XPNPEP3: variants seen among roughly 807,000 people sequenced by gnomAD.
The protein encoded by XPNPEP3 is X-prolyl aminopeptidase 3.
XPNPEP3 carries 41 observed loss-of-function variants against 60.0 expected under a neutral mutation model. The observed-to-expected ratio is 0.68, with a 90% CI of 0.53 to 0.89. XPNPEP3 has a LOEUF of 0.89. Among genes scored for constraint, XPNPEP3 ranks in the 40% least tolerant of loss-of-function variants. The pLI is 0.00. For synonymous variants in XPNPEP3, 212 were observed against 223.2 expected (o/e 0.95, Z 0.45); for missense variants, 598 against 638.9 (o/e 0.94, Z 0.69).
chr22:40,858,921 C>T (rs936672639), intron 1 of XPNPEP3, among the ~76,000 whole-genome samples: 4 of 152,138 alleles, frequency 2.6e-5, no homozygotes, highest in Admixed American at 2.0e-4. Flanking sequence ...GGGAATGCTG[C>T]CTTTCATAAT....
intron 2 of XPNPEP3, chr22:40,870,216 A>AT (rs1292663551): frequency 6.7e-6 from 2 of 299,182 alleles, no homozygotes; most frequent in South Asian, 5.1e-5. Flanking sequence ...GACTCGAGTT[A>AT]TTTTTTTAAG....
In XPNPEP3 at chr22:40,857,254, C is replaced by A. The variant is rs748135153; in HGVS notation, c.64+9C>A. 13 of 1,614,100 alleles carry A rather than the reference C, an allele frequency of 8.1e-6. No individual in the cohort carries two copies. The Admixed American group carries it at 2.0e-4, about 25-fold the overall frequency. ...CGTCCGCGGCCTCTCAGGTTAGACT[C>A]TTCTCCCACGGTCTCCTCCCATGGT... On this transcript the variant is annotated intron_variant, in intron 1 of 9. Coordinates refer to ENST00000357137, the MANE Select transcript of XPNPEP3 (RefSeq NM_022098.4).
At chr22:40,863,991 C>T (rs2057965077) in intron 1 of XPNPEP3, among the ~76,000 whole-genome samples, 1 of 152,110 alleles carries the variant, frequency 6.6e-6, no homozygotes, top group Non-Finnish European at 1.5e-5. Context: ...CCAATCCAGA[C>T]CCCAAGAGAT....
chr22:40,880,057 C>A (rs2058041724), intron 2 of XPNPEP3, among the ~76,000 whole-genome samples: 1 of 147,692 alleles, frequency 6.8e-6, no homozygotes, highest in Non-Finnish European at 1.5e-5. Context: ...AAAATTAGAT[C>A]TAAGGTAATC....
At chr22:40,900,341 A>G (rs1420570564) in intron 4 of XPNPEP3, among the ~76,000 whole-genome samples, 1 of 151,094 alleles carries the variant, frequency 6.6e-6, no homozygotes, top group Non-Finnish European at 1.5e-5. Flanking sequence ...ACGGTGACCC[A>G]CGCCTATAAT....
chr22:40,868,964 A>C (rs905077732), intron 1 of XPNPEP3, 35 bp from the exon 2 acceptor site: 1 of 1,540,752 alleles, frequency 6.5e-7, no homozygotes, highest in African/African-American at 1.4e-5. Flanking sequence ...TTCTAGATCT[A>C]TTGTTTCATT....
intron 8 of XPNPEP3, among the ~76,000 whole-genome samples, chr22:40,922,721 TACAC>T (rs761542482): frequency 9.6e-5 from 14 of 145,382 alleles, no homozygotes; most frequent in South Asian, 2.1e-4. Context: ...TGTAGATATA[TACAC>T]ACACACACAC....
intron 6 of XPNPEP3, among the ~76,000 whole-genome samples, chr22:40,909,457 C>T (rs561706587): frequency 1.1e-4 from 16 of 152,132 alleles, no homozygotes; most frequent in South Asian, 2.1e-4. Flanking sequence ...ATGAGGAAAA[C>T]GAATTTCAAA....
chr22:40,872,527 T>C (rs1174675905), intron 2 of XPNPEP3, among the ~76,000 whole-genome samples: 1 of 152,030 alleles, frequency 6.6e-6, no homozygotes, highest in African/African-American at 2.4e-5. Flanking sequence ...CTCTGCTCAC[T>C]GCAACCTCTG....
chr22:40,889,165 G>A (rs1222498569), intron 4 of XPNPEP3, among the ~76,000 whole-genome samples: 1 of 151,862 alleles, frequency 6.6e-6, no homozygotes, highest in African/African-American at 2.4e-5. Flanking sequence ...TGAGTAGCTT[G>A]GATTACAGGC....
intron 3 of XPNPEP3, among the ~76,000 whole-genome samples, chr22:40,883,551 G>A (rs1020453527): frequency 1.3e-5 from 2 of 151,964 alleles, no homozygotes; most frequent in African/African-American, 4.8e-5. Flanking sequence ...TTGTAGAGAT[G>A]GAGTTTCACT....
intron 7 of XPNPEP3, among the ~76,000 whole-genome samples, chr22:40,918,588 G>T (rs1304075950): frequency 6.6e-6 from 1 of 151,882 alleles, no homozygotes; most frequent in Admixed American, 6.6e-5. Context: ...GGTGGCTGAG[G>T]TAGGAGAATC....
chr22:40,923,956 G>A (rs1483911965), intron 8 of XPNPEP3, among the ~76,000 whole-genome samples: 1 of 152,168 alleles, frequency 6.6e-6, no homozygotes, highest in African/African-American at 2.4e-5. Flanking sequence ...TCCTGAGAGG[G>A]ATGTGTGAAC....
intron 1 of XPNPEP3, chr22:40,861,628 G>T: frequency 6.2e-7 from 1 of 1,613,584 alleles, no homozygotes; most frequent in South Asian, 1.1e-5. Context: ...GAGCTTCCTG[G>T]ACGATTTAAC....
chr22:40,870,496 G>A (rs569383536), intron 2 of XPNPEP3, among the ~76,000 whole-genome samples: 4 of 152,048 alleles, frequency 2.6e-5, no homozygotes, highest in East Asian at 1.9e-4. Flanking sequence ...TCTCCTAGAC[G>A]TGGGATTTTG....
At chr22:40,924,257 A>T in intron 8 of XPNPEP3, 105 bp from the exon 9 acceptor site, 1 of 1,525,024 alleles carries the variant, frequency 6.6e-7, no homozygotes, top group South Asian at 1.1e-5. Flanking sequence ...GAAGTGGCAG[A>T]ACCATGGGGG....
intron 4 of XPNPEP3, among the ~76,000 whole-genome samples, chr22:40,906,537 C>A (rs2058156295): frequency 6.6e-6 from 1 of 152,000 alleles, no homozygotes; most frequent in African/African-American, 2.4e-5. Context: ...CCCTAGGGAG[C>A]ATTTTGGTAG....
At chr22:40,859,602 A>G (rs1290191685) in intron 1 of XPNPEP3, 1 of 152,206 alleles carries the variant, frequency 6.6e-6, no homozygotes, top group Non-Finnish European at 1.5e-5. Flanking sequence ...AACTTTGAAT[A>G]CTAATTGTCC....
intron 4 of XPNPEP3, among the ~76,000 whole-genome samples, chr22:40,901,433 C>G (rs1398844805): frequency 1.3e-5 from 2 of 151,970 alleles, no homozygotes; most frequent in Non-Finnish European, 2.9e-5. Context: ...TGGGGTTTCT[C>G]CATGTTGGTC....
Sources: allele counts gnomAD v4.1 joint callset (sites outside exome capture counted in the v4.1 genomes callset), GRCh38; gene constraint gnomAD v4.1.1; transcripts MANE v1.5; gene names NCBI Gene and HGNC (gene_info 2026-07-23, HGNC 2026-07-21).